Variants in ZNF217 observed in about 807,000 individuals in gnomAD.
ZNF217 encodes zinc finger protein 217.
ZNF217 carries 12 observed loss-of-function variants against 73.3 expected under a neutral mutation model. The ratio of observed to expected loss-of-function variants is 0.16; its 90% CI spans 0.10 to 0.27. The LOEUF (loss-of-function observed/expected upper bound fraction) is 0.27, where lower values mean the gene tolerates loss of function less well. ZNF217 is among the 10% of genes least tolerant of loss of function. ZNF217 has a pLI of 1.00. For missense variants in ZNF217, 1,195 were observed against 1,327.8 expected (o/e 0.90, Z 1.55); for synonymous variants, 588 against 516.4 (o/e 1.14, Z -1.88).
At chr20:53,583,720 A>T (rs1027330649) in intron 1 of ZNF217, among the ~76,000 whole-genome samples, 1 of 152,274 alleles carries the variant, frequency 6.6e-6, no homozygotes, top group Non-Finnish European at 1.5e-5. Context: ...TGAGCACAGA[A>T]ATACAGAAAC....
intron 5 of ZNF217, among the ~76,000 whole-genome samples, chr20:53,569,611 T>C (rs981354911): frequency 7.2e-5 from 11 of 152,228 alleles, no homozygotes; most frequent in Non-Finnish European, 1.5e-4. Flanking sequence ...CTTGAACTCC[T>C]GACTTCAAGT....
chr20:53,576,830 G>A lies in ZNF217; in HGVS notation c.1934C>T (p.Ala645Val), dbSNP rs147264830. 17 of 1,614,044 alleles carry A rather than the reference G, an allele frequency of 1.1e-5. 1 individual carries two copies. Among genetic ancestry groups the A allele is most frequent in the Middle Eastern group, 3.3e-4 (2 of 6,084 alleles). ...GCCATCCGGAGGAGGAGTAACATCC[G>A]CCTTGGTTCTACAGATGAGGTTATT... ...QANNLICRTKADVTPPPDGST... is the reference protein window; with the variant it reads ...QANNLICRTKVDVTPPPDGST... The change falls in exon 4 of 6, where the codon GCG becomes GTG. Residue 645 changes from alanine to valine, a missense_variant. By Grantham distance (64) the Ala-to-Val change is moderately conservative. Transcript: ENST00000371471.
At chr20:53,587,604 T>A (rs574703652) in intron 1 of ZNF217, among the ~76,000 whole-genome samples, 1 of 152,228 alleles carries the variant, frequency 6.6e-6, no homozygotes, top group African/African-American at 2.4e-5. Context: ...AAATTATATT[T>A]ATACACAATT....
upstream of ZNF217, among the ~76,000 whole-genome samples, chr20:53,594,616 G>T (rs1338685855): frequency 3.3e-5 from 5 of 151,712 alleles, no homozygotes; most frequent in African/African-American, 7.2e-5. Flanking sequence ...CGCGGCGGTA[G>T]CCGTGACAGG....
intron 1 of ZNF217, among the ~76,000 whole-genome samples, chr20:53,587,990 G>A (rs1383606459): frequency 6.6e-6 from 1 of 152,076 alleles, no homozygotes; most frequent in East Asian, 1.9e-4. Flanking sequence ...TAATTTAGCT[G>A]TGGAAAGATG....
chr20:53,586,411 A>G (rs1313865958), intron 1 of ZNF217, among the ~76,000 whole-genome samples: 1 of 152,136 alleles, frequency 6.6e-6, no homozygotes, highest in Non-Finnish European at 1.5e-5. Context: ...TCAAGAGCGT[A>G]ATAAAAAAAA....
intron 1 of ZNF217, among the ~76,000 whole-genome samples, chr20:53,585,785 C>T (rs1988673631): frequency 6.6e-6 from 1 of 152,134 alleles, no homozygotes; most frequent in African/African-American, 2.4e-5. Context: ...TCCACTTTGC[C>T]TGGGAGGGTG....
intron 1 of ZNF217, among the ~76,000 whole-genome samples, chr20:53,592,333 G>A (rs933392547): frequency 1.8e-4 from 27 of 151,918 alleles, no homozygotes; most frequent in Admixed American, 6.6e-5. Flanking sequence ...GAATTTCGAG[G>A]TAGAACAATA....
chr20:53,578,223 A>T, intron 3 of ZNF217, 111 bp downstream of exon 3: 1 of 671,500 alleles, frequency 1.5e-6, no homozygotes. Flanking sequence ...CTACATATTT[A>T]TCCTTAAGCT....
rs1365234639 is a variant in ZNF217 at position 53,567,269 on chromosome 20, C to A, written c.*2019G>T. 1 of 151,628 alleles carries A rather than the reference C, an allele frequency of 6.6e-6. No homozygotes were observed. The highest frequency in any genetic ancestry group is 1.5e-5 in the Non-Finnish European group (1 of 67,838). 9.4% of individuals were successfully genotyped at this position (151,628 alleles called of 1,614,324 possible). A position where few individuals can be genotyped will look rare whatever the true frequency, so the allele number is the denominator to read the frequency against. On this transcript the variant is annotated 3_prime_UTR_variant, in exon 6 of 6. Transcript: ENST00000371471. ...ACCTCTATTATATGTACTGTTGTCTCAAAGAAAAAAAAATATAAAACCAGT... is the reference window on the plus strand; with the variant it reads ...ACCTCTATTATATGTACTGTTGTCTAAAAGAAAAAAAAATATAAAACCAGT...
chr20:53,575,016 TCAC>T (rs1988192689), intron 4 of ZNF217: 1 of 152,026 alleles, frequency 6.6e-6, no homozygotes, highest in South Asian at 2.1e-4. Flanking sequence ...ATGATCACTC[TCAC>T]AACAGAAAAA....
At chr20:53,580,867 C>T (rs1988455105) in intron 2 of ZNF217, among the ~76,000 whole-genome samples, 1 of 152,188 alleles carries the variant, frequency 6.6e-6, no homozygotes. Context: ...CCTTTTATGG[C>T]CACTAGAAAT....
intron 1 of ZNF217, among the ~76,000 whole-genome samples, chr20:53,586,087 A>G (rs1025272838): frequency 6.6e-6 from 1 of 152,188 alleles, no homozygotes; most frequent in Non-Finnish European, 1.5e-5. Context: ...GTCCAGATCT[A>G]AAACCATCCT....
chr20:53,577,347 T>C (rs1666101890), intron 3 of ZNF217, 67 bp from the exon 4 acceptor site: 1 of 1,387,252 alleles, frequency 7.2e-7, no homozygotes, highest in Non-Finnish European at 9.7e-7. Flanking sequence ...CAAATATCTA[T>C]TTATTAAGAA....
intron 3 of ZNF217, 121 bp from the exon 4 acceptor site, chr20:53,577,401 A>G (rs1568684157): frequency 8.1e-6 from 7 of 862,228 alleles, no homozygotes; most frequent in African/African-American, 1.7e-5. Context: ...CTACTATCAC[A>G]TAGGATTTCT....
At chr20:53,579,768 T>G (rs1328828937) in intron 2 of ZNF217, among the ~76,000 whole-genome samples, 1 of 152,248 alleles carries the variant, frequency 6.6e-6, no homozygotes, top group Non-Finnish European at 1.5e-5. Context: ...AAATTGTCCT[T>G]GGGAGGTGGA....
chr20:53,597,079 A>G (rs1158112658), upstream of ZNF217, among the ~76,000 whole-genome samples: 3 of 127,184 alleles, frequency 2.4e-5, no homozygotes, highest in Non-Finnish European at 3.3e-5. Context: ...ATCTAGTAAC[A>G]TAACAAAAAA....
Position 53,576,429 on chromosome 20 carries a change from C to G in ZNF217, c.2335G>C (p.Ala779Pro). 1 of 1,614,160 alleles carries G rather than the reference C, an allele frequency of 6.2e-7. No homozygotes were observed. Among genetic ancestry groups the G allele is most frequent in the Non-Finnish European group, 8.5e-7 (1 of 1,179,980 alleles). The change falls in exon 4 of 6, where the codon GCT becomes CCT. Residue 779 changes from alanine to proline, a missense_variant. Ala to Pro is a conservative substitution (Grantham distance 27, BLOSUM62 -1). Coordinates refer to ENST00000371471, the MANE Select transcript of ZNF217 (RefSeq NM_006526.3). The part of the protein sequence containing the change: ...SSFCKPKPKS[A>P]FPAQSKSLPS... ...AGGGATTTGGACTGCGCCGGGAAAG[C>G]AGACTTGGGCTTGGGTTTACAGAAA...
Position 53,581,565 on chromosome 20 carries a change from G to C in ZNF217, c.1262C>G (p.Ser421Cys), listed in dbSNP as rs1210772107. ...ATCCAGAGGGGCGGCGAGGTCAGGA[G>C]AACACGTCCCCGGCTGCCTCCCGTC... ...SVDGRQPGTC[S>C]PDLAAPLDEN... Residue 421 changes from serine to cysteine, a missense_variant, in exon 2 of 6, where the codon TCT becomes TGT. Ser to Cys is a moderately radical substitution (Grantham distance 112). This residue lies in a region of ZNF217 where 116 missense variants were observed against 121.9 expected (regional missense o/e 0.95). Coordinates refer to ENST00000371471, the MANE Select transcript of ZNF217 (RefSeq NM_006526.3). This position sits in a 1 kb window ranked among gnomAD's most constrained non-coding sequence, Gnocchi z 4.9. The C allele has an allele frequency of 6.2e-7, 1 of 1,614,244 alleles. No homozygotes were observed. Among genetic ancestry groups the C allele is most frequent in the Non-Finnish European group, 8.5e-7 (1 of 1,180,048 alleles).
Sources: allele counts gnomAD v4.1 joint callset (sites outside exome capture counted in the v4.1 genomes callset), GRCh38; gene constraint gnomAD v4.1.1; regional missense constraint gnomAD v4.1.1; non-coding constraint Gnocchi (gnomAD v3.1); transcripts MANE v1.5; gene names NCBI Gene and HGNC (gene_info 2026-07-23, HGNC 2026-07-21).